The following SDC2 variants were observed in gnomAD, a reference collection of about 807,000 sequenced individuals.
The protein encoded by SDC2 is syndecan-2.
SDC2 carries 13 observed loss-of-function variants against 22.2 expected under a neutral mutation model. The ratio of observed to expected loss-of-function variants is 0.59; its 90% CI spans 0.38 to 0.93. The LOEUF (loss-of-function observed/expected upper bound fraction) is 0.93. Among genes scored for constraint, SDC2 ranks in the 40% least tolerant of loss-of-function variants. The pLI is 0.00. For missense variants in SDC2, 235 were observed against 246.8 expected, an observed-to-expected ratio of 0.95 and a Z score of 0.32; for synonymous variants, 94 against 92.8, an observed-to-expected ratio of 1.01 and a Z score of -0.07.
chr8:96,527,385 C>A (rs1235711495), intron 1 of SDC2, among the ~76,000 whole-genome samples: 1 of 152,188 alleles, frequency 6.6e-6, no homozygotes, highest in African/African-American at 2.4e-5. Context: ...CCTCTCCCTG[C>A]CTCTGGTGGG....
chr8:96,569,677 CAT>C (rs1271275678), intron 1 of SDC2, among the ~76,000 whole-genome samples: 1 of 152,064 alleles, frequency 6.6e-6, no homozygotes, highest in Admixed American at 6.6e-5. Flanking sequence ...AGGTACGTGG[CAT>C]ATATTAACTC....
chr8:96,573,115 GTTTT>G (rs1814423453), intron 1 of SDC2, among the ~76,000 whole-genome samples: 1 of 151,964 alleles, frequency 6.6e-6, no homozygotes, highest in South Asian at 2.1e-4. Context: ...TTGTATTCTT[GTTTT>G]TTGTTTTGTT....
chr8:96,577,415 C>CT (rs1814522912), intron 1 of SDC2, among the ~76,000 whole-genome samples: 1 of 152,150 alleles, frequency 6.6e-6, no homozygotes, highest in Non-Finnish European at 1.5e-5. Flanking sequence ...CATGAATAGA[C>CT]TATTTTTTCG....
chr8:96,591,499 G>T (rs1187634905), intron 1 of SDC2, among the ~76,000 whole-genome samples: 1 of 152,080 alleles, frequency 6.6e-6, no homozygotes, highest in Admixed American at 6.5e-5. Flanking sequence ...TTTTGAGAGG[G>T]ACAGAGAACA....
chr8:96,605,642 T>C (rs1815065624), intron 3 of SDC2, among the ~76,000 whole-genome samples: 1 of 152,198 alleles, frequency 6.6e-6, no homozygotes, highest in Non-Finnish European at 1.5e-5. Context: ...TGGCCTCTGC[T>C]TTTTGTAAGT....
Position 96,610,944 on chromosome 8 carries a change from G to T in SDC2, c.*1396G>T, listed in dbSNP as rs114610397. ...GATGGCAATATTAAGACAGACGCCT[G>T]CTTTTGCAAATAACTTACAAGACTG... On this transcript the variant is annotated 3_prime_UTR_variant, in exon 5 of 5. Transcript: ENST00000302190. 1.3e-5 allele frequency: 2 copies of T among 152,650 alleles called. No individual in the cohort carries two copies. The highest frequency in any genetic ancestry group is 4.8e-5 in the African/African-American group (2 of 41,470). The allele number at this position is 152,650 out of a possible 1,614,324, so 9.5% of individuals were successfully genotyped here.
At chr8:96,564,179 T>TA (rs1352353664) in intron 1 of SDC2, among the ~76,000 whole-genome samples, 1 of 152,142 alleles carries the variant, frequency 6.6e-6, no homozygotes, top group African/African-American at 2.4e-5. Flanking sequence ...ATTTGGGAAT[T>TA]AAAAAAATGT....
chr8:96,522,648 T>TTATATATAG (rs1434875655), intron 1 of SDC2, among the ~76,000 whole-genome samples: 1 of 152,208 alleles, frequency 6.6e-6, no homozygotes, highest in Non-Finnish European at 1.5e-5. Context: ...TATTCTAGTT[T>TTATATATAG]ATGGGATGTA....
intron 1 of SDC2, among the ~76,000 whole-genome samples, chr8:96,496,139 C>G (rs540200888): frequency 6.6e-6 from 1 of 152,034 alleles, no homozygotes. Context: ...CATGGATTTG[C>G]TAGGAAATGT....
At chr8:96,511,715 T>G (rs1372831925) in intron 1 of SDC2, among the ~76,000 whole-genome samples, 1 of 152,078 alleles carries the variant, frequency 6.6e-6, no homozygotes, top group African/African-American at 2.4e-5. Flanking sequence ...CAATGGAAAC[T>G]TTTTGGTTCA....
At chr8:96,560,775 A>G (rs2130560611) in intron 1 of SDC2, among the ~76,000 whole-genome samples, 1 of 152,236 alleles carries the variant, frequency 6.6e-6, no homozygotes, top group Middle Eastern at 3.4e-3. Context: ...AACTATTTAC[A>G]CAGTCCCTAA....
At chr8:96,596,087 G>A (rs1219850962) in intron 2 of SDC2, among the ~76,000 whole-genome samples, 1 of 152,168 alleles carries the variant, frequency 6.6e-6, no homozygotes, top group African/African-American at 2.4e-5. Flanking sequence ...TCTCTGAAAC[G>A]ATAGATTCTG....
intron 3 of SDC2, among the ~76,000 whole-genome samples, chr8:96,607,340 G>A (rs531873428): frequency 4.6e-5 from 7 of 152,286 alleles, no homozygotes; most frequent in South Asian, 2.1e-4. Flanking sequence ...CCACCTGAAC[G>A]AAGCTGTGGA....
chr8:96,575,027 C>A (rs1814463320), intron 1 of SDC2, among the ~76,000 whole-genome samples: 1 of 152,168 alleles, frequency 6.6e-6, no homozygotes, highest in South Asian at 2.1e-4. Flanking sequence ...GAATCTAATG[C>A]CGCCACTGAT....
chr8:96,600,484 A>G (rs532048777), intron 2 of SDC2, among the ~76,000 whole-genome samples: 1 of 152,356 alleles, frequency 6.6e-6, no homozygotes, highest in South Asian at 2.1e-4. Context: ...TGTTGAACAA[A>G]TACCAGATCA....
At chr8:96,597,860 A>G (rs16894859) in intron 2 of SDC2, among the ~76,000 whole-genome samples, 31,389 of 152,088 alleles carry the variant, frequency 0.21, 4,014 homozygotes, top group African/African-American at 0.37. Flanking sequence ...AAATCTAACA[A>G]TGTTTTCTCT....
At chr8:96,578,752 A>G (rs1814543878) in intron 1 of SDC2, among the ~76,000 whole-genome samples, 1 of 152,184 alleles carries the variant, frequency 6.6e-6, no homozygotes. Flanking sequence ...AGTGTTAAGG[A>G]GTTTTACAGA....
chr8:96,596,995 GT>G (rs764151972), intron 2 of SDC2, among the ~76,000 whole-genome samples: 2 of 152,150 alleles, frequency 1.3e-5, no homozygotes, highest in Non-Finnish European at 2.9e-5. Flanking sequence ...CTGGAAGTCT[GT>G]TTAAGAAATA....
At chr8:96,498,007 T>C (rs1008066858) in intron 1 of SDC2, among the ~76,000 whole-genome samples, 1 of 152,234 alleles carries the variant, frequency 6.6e-6, no homozygotes, top group African/African-American at 2.4e-5. Flanking sequence ...GAAGAATCTT[T>C]GCTAAAACCA....
Sources: allele counts gnomAD v4.1 joint callset (sites outside exome capture counted in the v4.1 genomes callset), GRCh38; gene constraint gnomAD v4.1.1; transcripts MANE v1.5; gene names NCBI Gene and HGNC (gene_info 2026-07-23, HGNC 2026-07-21).